Variants in DERA observed in about 807,000 individuals in gnomAD.
DERA encodes the protein deoxyribose-phosphate aldolase.
DERA carries 15 observed loss-of-function variants against 41.1 expected under a neutral mutation model. That is an observed-to-expected ratio of 0.37 (90% CI 0.24 to 0.56). DERA has a LOEUF of 0.56. Ranked by LOEUF, DERA falls within the 20% of genes least tolerant of loss-of-function variation. The probability of loss-of-function intolerance (pLI) is 0.81; values close to 1 mark genes in which losing one functional copy is unlikely to be tolerated. For synonymous variants in DERA, 139 were observed against 137.4 expected (o/e 1.01, Z -0.08); for missense variants, 396 against 403.4 (o/e 0.98, Z 0.16).
intron 1 of DERA, among the ~76,000 whole-genome samples, chr12:15,926,193 TG>T (rs1012254225): frequency 6.6e-6 from 1 of 151,696 alleles, no homozygotes; most frequent in Non-Finnish European, 1.5e-5. Flanking sequence ...TCTGAGGCAC[TG>T]TTTTTTTTTT....
At chr12:15,933,804 C>G (rs1253726421) in intron 1 of DERA, among the ~76,000 whole-genome samples, 2 of 152,116 alleles carry the variant, frequency 1.3e-5, no homozygotes, top group Non-Finnish European at 2.9e-5. Context: ...CTTGTTGAAA[C>G]CTTCTCCGAC....
chr12:16,020,880 G>A lies in DERA; in HGVS notation c.638-11662G>A, dbSNP rs1421877694. The stretch of plus-strand genomic sequence containing the variant: ...AGGGTGATGAACTAGGGTATCTGGA[G>A]GAAGAAATTTCTAAGCAGCAAAGCA... On this transcript the variant is annotated intron_variant, in intron 6 of 8. Transcript: ENST00000428559. The surrounding 1 kb of genome is among the most constrained non-coding windows in gnomAD (Gnocchi z 5.5). Among the ~76,000 whole-genome samples, 1 of 152,188 alleles carries A rather than the reference G, an allele frequency of 6.6e-6. No homozygotes were observed. The highest frequency in any genetic ancestry group is 2.4e-5 in the African/African-American group (1 of 41,452).
At position 15,918,412 on chromosome 12, in the gene DERA, T is replaced by A. The variant is rs1267482926; in HGVS notation, c.31+6998T>A. Among the ~76,000 whole-genome samples, 1 of 152,166 alleles carries A rather than the reference T, an allele frequency of 6.6e-6. No homozygotes were observed. The highest frequency in any genetic ancestry group is 1.5e-5 in the Non-Finnish European group (1 of 68,026). ...CTGATTGGACTCTGGGCTACCCCATTCTGTTTGGCCCACTCTGGGCCATAG... is the reference window on the plus strand; with the variant it reads ...CTGATTGGACTCTGGGCTACCCCATACTGTTTGGCCCACTCTGGGCCATAG... On this transcript the variant is annotated intron_variant, in intron 1 of 8. Transcript: ENST00000428559. This position sits in a 1 kb window ranked among gnomAD's most constrained non-coding sequence, Gnocchi z 4.3.
chr12:15,983,744 G>C lies in DERA; in HGVS notation c.637+1308G>C, dbSNP rs77103194. 1.3e-3 allele frequency among the ~76,000 whole-genome samples: 202 copies of C among 152,226 alleles called. 1 individual carries two copies. The highest frequency in any genetic ancestry group is 4.5e-3 in the African/African-American group (186 of 41,520). ...TGTGTACTTCTTGAGTGCTCTGTCAGGCCTAGTAGATCATTCCTTGGAACT... is the reference window on the plus strand; with the variant it reads ...TGTGTACTTCTTGAGTGCTCTGTCACGCCTAGTAGATCATTCCTTGGAACT... On this transcript the variant is annotated intron_variant, in intron 6 of 8. Coordinates refer to ENST00000428559, the MANE Select transcript of DERA (RefSeq NM_015954.4). This position sits in a 1 kb window ranked among gnomAD's most constrained non-coding sequence, Gnocchi z 6.2.
At position 15,918,990 on chromosome 12, in the gene DERA, A is replaced by G. The variant is rs564665097; in HGVS notation, c.31+7576A>G. ...ATGTTTTCATGAAGAAAGAAAAAAAATCCTTCATAGCCTATGTGTGAAATA... is the reference window on the plus strand; with the variant it reads ...ATGTTTTCATGAAGAAAGAAAAAAAGTCCTTCATAGCCTATGTGTGAAATA... On this transcript the variant is annotated intron_variant, in intron 1 of 8. Transcript: ENST00000428559. This position sits in a 1 kb window ranked among gnomAD's most constrained non-coding sequence, Gnocchi z 4.3. 1.3e-5 allele frequency among the ~76,000 whole-genome samples: 2 copies of G among 152,306 alleles called. No homozygotes were observed. The highest frequency in any genetic ancestry group is 1.9e-4 in the East Asian group (1 of 5,190).
intron 1 of DERA, among the ~76,000 whole-genome samples, chr12:15,945,745 C>T (rs866690929): frequency 2.6e-5 from 4 of 152,208 alleles, no homozygotes; most frequent in Admixed American, 6.5e-5. Flanking sequence ...TTGCCCTGGC[C>T]GGAACTTCCA....
chr12:15,950,753 A>T (rs957357710), intron 1 of DERA, among the ~76,000 whole-genome samples: 1 of 152,166 alleles, frequency 6.6e-6, no homozygotes, highest in African/African-American at 2.4e-5. Flanking sequence ...TTCTTACCCT[A>T]TATAACTTTT....
rs1481392807 is a variant in DERA at position 15,941,201 on chromosome 12, G to A, written c.32-15735G>A. Among the ~76,000 whole-genome samples the A allele has an allele frequency of 2.6e-5, 4 of 152,110 alleles. No individual in the cohort carries two copies. The highest frequency in any genetic ancestry group is 1.9e-4 in the East Asian group (1 of 5,194). On this transcript the variant is annotated intron_variant, in intron 1 of 8. Coordinates refer to ENST00000428559, the MANE Select transcript of DERA (RefSeq NM_015954.4). The surrounding 1 kb of genome is among the most constrained non-coding windows in gnomAD (Gnocchi z 4.5). ...TCATGTTCACCTAATCTACAGTAGC[G>A]GCTCATTGACCTACTGACTGTGGGT...
At chr12:16,015,503 A>G (rs1012225164) in intron 6 of DERA, among the ~76,000 whole-genome samples, 2 of 152,180 alleles carry the variant, frequency 1.3e-5, no homozygotes, top group African/African-American at 4.8e-5. Context: ...CATGATTGCA[A>G]GTTTCCAGAG....
chr12:15,958,393 A>G, intron 3 of DERA, 58 bp downstream of exon 3: 1 of 1,383,730 alleles, frequency 7.2e-7, no homozygotes, highest in Non-Finnish European at 9.6e-7. Flanking sequence ...TGATTACTAA[A>G]TCAAAGACGA....
chr12:15,938,234 C>T lies in DERA; in HGVS notation c.32-18702C>T, dbSNP rs558491101. On this transcript the variant is annotated intron_variant, in intron 1 of 8. Coordinates refer to ENST00000428559, the MANE Select transcript of DERA (RefSeq NM_015954.4). This position sits in a 1 kb window ranked among gnomAD's most constrained non-coding sequence, Gnocchi z 4.1. ...TTGGATATTTGTTAGGGTGACTTAG[C>T]ATGCAAATTAGACACTTTTGACAGC... Among the ~76,000 whole-genome samples, 2 of 152,190 alleles carry T rather than the reference C, an allele frequency of 1.3e-5. No homozygotes were observed. Among genetic ancestry groups the T allele is most frequent in the East Asian group, 3.9e-4 (2 of 5,180 alleles).
Position 15,999,978 on chromosome 12 carries a change from C to T in DERA, c.637+17542C>T, listed in dbSNP as rs1432884398. Among the ~76,000 whole-genome samples the T allele has an allele frequency of 6.6e-6, 1 of 152,160 alleles. No individual in the cohort carries two copies. Among genetic ancestry groups the T allele is most frequent in the Non-Finnish European group, 1.5e-5 (1 of 68,026 alleles). ...TTAGGAAGCTGTGATAACACTTCAG[C>T]TGACCATCACGAGCTCCTGAACTGA... is the stretch of plus-strand genomic sequence containing the variant. On this transcript the variant is annotated intron_variant, in intron 6 of 8. Transcript: ENST00000428559. The surrounding 1 kb of genome is among the most constrained non-coding windows in gnomAD (Gnocchi z 5.3).
In DERA at chr12:15,985,403, A is replaced by G. The variant is rs1306392615; in HGVS notation, c.637+2967A>G. On this transcript the variant is annotated intron_variant, in intron 6 of 8. Coordinates refer to ENST00000428559, the MANE Select transcript of DERA (RefSeq NM_015954.4). The surrounding 1 kb of genome is among the most constrained non-coding windows in gnomAD (Gnocchi z 4.2). ...TTATAATATGTTCTTCCATTCTGAT[A>G]TCTGTGGGATCTGTAGTTATATCTC... 1 of 152,190 alleles carries G rather than the reference A, an allele frequency of 6.6e-6. No homozygotes were observed. The highest frequency in any genetic ancestry group is 1.9e-4 in the East Asian group (1 of 5,188). 9.4% of individuals were successfully genotyped at this position (152,190 alleles called of 1,614,324 possible). A position where few individuals can be genotyped will look rare whatever the true frequency, so the allele number is the denominator to read the frequency against.
In DERA at chr12:16,001,540, T is replaced by C. The variant is rs181573668; in HGVS notation, c.637+19104T>C. Among the ~76,000 whole-genome samples, 16 of 152,214 alleles carry C rather than the reference T, an allele frequency of 1.1e-4. No homozygotes were observed. In the East Asian group the frequency reaches 3.1e-3, roughly 29 times the overall value. On this transcript the variant is annotated intron_variant, in intron 6 of 8. Transcript: ENST00000428559. The surrounding 1 kb of genome is among the most constrained non-coding windows in gnomAD (Gnocchi z 4.1). ...AGACTTGTGGAGTCATGGTCTTAGG[T>C]CTGTGTGACGTGTTTGATGCTCTGC...
rs1162568362 is a variant in DERA at position 16,003,171 on chromosome 12, GC to G, written c.637+20736del. On this transcript the variant is annotated intron_variant, in intron 6 of 8. Transcript: ENST00000428559. This position sits in a 1 kb window ranked among gnomAD's most constrained non-coding sequence, Gnocchi z 4.8. ...TGTTGCCTATCTTTGGTGTTTCTTGGCTTGTAGAAGCCTCACCCTGGTCTCT... is the reference window on the plus strand; with the variant it reads ...TGTTGCCTATCTTTGGTGTTTCTTGGTTGTAGAAGCCTCACCCTGGTCTCT... Among the ~76,000 whole-genome samples, 5 of 152,046 alleles carry G rather than the reference GC, an allele frequency of 3.3e-5. No homozygotes were observed. In the East Asian group the frequency reaches 9.6e-4, roughly 29 times the overall value.
intron 6 of DERA, among the ~76,000 whole-genome samples, chr12:15,997,583 C>G (rs981854064): frequency 2.0e-5 from 3 of 151,978 alleles, no homozygotes; most frequent in African/African-American, 7.3e-5. Context: ...GAATCGTATG[C>G]AAAAGAGTCA....
rs1162450584 is a variant in DERA at position 15,955,057 on chromosome 12, T to C, written c.32-1879T>C. Among the ~76,000 whole-genome samples the C allele has an allele frequency of 3.9e-5, 6 of 152,058 alleles. No homozygotes were observed. In the East Asian group the frequency reaches 7.7e-4, roughly 20 times the overall value. ...GCTCATGCCTGTAATCCCAGCACTT[T>C]AGGAGGGCGAGGCAGGTAGATCACT... On this transcript the variant is annotated intron_variant, in intron 1 of 8. Coordinates refer to ENST00000428559, the MANE Select transcript of DERA (RefSeq NM_015954.4).
rs1191106457 is a variant in DERA, at chr12:15,981,704, C to T, written c.509-604C>T. 6.6e-6 allele frequency among the ~76,000 whole-genome samples: 1 copy of T among 152,162 alleles called. No homozygotes were observed. Among genetic ancestry groups the T allele is most frequent in the East Asian group, 1.9e-4 (1 of 5,190 alleles). On this transcript the variant is annotated intron_variant, in intron 5 of 8. Coordinates refer to ENST00000428559, the MANE Select transcript of DERA (RefSeq NM_015954.4). This position sits in a 1 kb window ranked among gnomAD's most constrained non-coding sequence, Gnocchi z 6.1. ...TCAGGGGTTAACAGATTTAAGGCAG[C>T]ATCTCTGAGCCTCCCTGCAGAGATG...
intron 1 of DERA, among the ~76,000 whole-genome samples, chr12:15,919,867 T>C (rs1948228695): frequency 6.6e-6 from 1 of 152,280 alleles, no homozygotes; most frequent in Non-Finnish European, 1.5e-5. Context: ...GCTAAGGTCT[T>C]TAAAGTCTGG....
Sources: gnomAD v4.1 joint callset for allele counts (sites outside exome capture counted in the v4.1 genomes callset) on GRCh38, gnomAD v4.1.1 for gene constraint, Gnocchi (gnomAD v3.1) non-coding constraint, MANE v1.5 for transcripts, NCBI Gene and HGNC (gene_info 2026-07-23, HGNC 2026-07-21) for gene names.